Variants in ELMO1 observed in about 807,000 individuals in gnomAD.
The protein encoded by ELMO1 is engulfment and cell motility protein 1.
Under a neutral mutation model 98.9 loss-of-function variants are expected in ELMO1, and 26 were observed. The observed-to-expected ratio is 0.26, with a 90% CI of 0.19 to 0.36. The LOEUF (loss-of-function observed/expected upper bound fraction) is 0.36. Ranked by LOEUF, ELMO1 falls within the 10% of genes least tolerant of loss-of-function variation. The pLI is 1.00. For missense variants in ELMO1, 627 were observed against 935.2 expected, an observed-to-expected ratio of 0.67 and a Z score of 4.30; for synonymous variants, 346 against 346.0, an observed-to-expected ratio of 1.00 and a Z score of 0.00.
chr7:37,375,492 G>T, intron 1 of ELMO1: 1 of 748,330 alleles, frequency 1.3e-6, no homozygotes, highest in Non-Finnish European at 2.3e-6. Context: ...TATGATTCAA[G>T]CCCCGGCCCC....
At chr7:37,227,222 T>C (rs185057743) in intron 8 of ELMO1, among the ~76,000 whole-genome samples, 29 of 152,310 alleles carry the variant, frequency 1.9e-4, no homozygotes, top group Non-Finnish European at 4.4e-5. Context: ...GTCTAACTCA[T>C]TGCTGGGTTA....
At chr7:36,905,206 T>C (rs1317485702) in intron 16 of ELMO1, among the ~76,000 whole-genome samples, 1 of 152,220 alleles carries the variant, frequency 6.6e-6, no homozygotes, top group African/African-American at 2.4e-5. Flanking sequence ...ACTGTTGGTT[T>C]TTCTAATGCC....
intron 15 of ELMO1, among the ~76,000 whole-genome samples, chr7:37,039,740 A>G (rs958458366): frequency 3.3e-5 from 5 of 152,212 alleles, no homozygotes; most frequent in African/African-American, 1.2e-4. Flanking sequence ...ATCGACAATA[A>G]ATACTTAAAA....
chr7:37,096,327 T>C lies in ELMO1; in HGVS notation c.1300+292A>G, dbSNP rs148933098. On this transcript the variant is annotated intron_variant, in intron 15 of 21. Transcript: ENST00000310758. ...AAGAAATCCATAGATTTTTTTTTCCTGAACAGAAGCAAGCCTGTTTTAATA... is the reference window on the plus strand; with the variant it reads ...AAGAAATCCATAGATTTTTTTTTCCCGAACAGAAGCAAGCCTGTTTTAATA... Among the ~76,000 whole-genome samples the C allele has an allele frequency of 8.6e-3, 1,308 of 152,276 alleles. 7 individuals carry two copies. Among genetic ancestry groups the C allele is most frequent in the Non-Finnish European group, 0.013 (907 of 68,020 alleles).
At chr7:37,199,514 G>T (rs1430401463) in intron 13 of ELMO1, among the ~76,000 whole-genome samples, 2 of 152,288 alleles carry the variant, frequency 1.3e-5, no homozygotes, top group Admixed American at 1.3e-4. Context: ...TTTTCAGAAG[G>T]AGTCCACAGG....
chr7:37,333,580 T>C (rs550205937), intron 2 of ELMO1, among the ~76,000 whole-genome samples: 1 of 152,348 alleles, frequency 6.6e-6, no homozygotes, highest in South Asian at 2.1e-4. Context: ...TGCTGTGTTT[T>C]TCTTCAAAAA....
intron 15 of ELMO1, among the ~76,000 whole-genome samples, chr7:37,056,080 A>G (rs985605313): frequency 4.6e-5 from 7 of 152,244 alleles, no homozygotes; most frequent in South Asian, 2.1e-4. Context: ...ACAGTGGTCC[A>G]GCTTTCCTCA....
chr7:37,168,920 TTGTC>T (rs1247801153), intron 13 of ELMO1, among the ~76,000 whole-genome samples: 1 of 152,192 alleles, frequency 6.6e-6, no homozygotes, highest in East Asian at 1.9e-4. Flanking sequence ...GTCTTTTTGT[TTGTC>T]TGTGCCCTGT....
In ELMO1 at chr7:37,187,406, A is replaced by G. The variant is rs535863116; in HGVS notation, c.1086+23980T>C. Among the ~76,000 whole-genome samples the G allele has an allele frequency of 5.3e-5, 8 of 152,270 alleles. No individual in the cohort carries two copies. In the South Asian group the frequency reaches 1.7e-3, roughly 32 times the overall value. On this transcript the variant is annotated intron_variant, in intron 13 of 21. Transcript: ENST00000310758. ...CTTTACAACCCTGTAAACATACTAAAAGCACCCAAACTGTACATTTTAGAT... is the reference window on the plus strand; with the variant it reads ...CTTTACAACCCTGTAAACATACTAAGAGCACCCAAACTGTACATTTTAGAT...
intron 5 of ELMO1, among the ~76,000 whole-genome samples, chr7:37,262,516 A>G (rs1446136389): frequency 6.6e-6 from 1 of 152,182 alleles, no homozygotes; most frequent in Non-Finnish European, 1.5e-5. Flanking sequence ...GCGCCTGAGA[A>G]TGATGTGTTC....
At chr7:37,385,457 G>A (rs550060241) in intron 1 of ELMO1, among the ~76,000 whole-genome samples, 6 of 152,236 alleles carry the variant, frequency 3.9e-5, no homozygotes, top group South Asian at 4.2e-4. Context: ...TCTTCACTCC[G>A]GTTTCCATTC....
At chr7:37,268,575 C>T (rs888535999) in intron 5 of ELMO1, among the ~76,000 whole-genome samples, 1 of 152,184 alleles carries the variant, frequency 6.6e-6, no homozygotes, top group African/African-American at 2.4e-5. Flanking sequence ...GCTGGGTTTA[C>T]AGGTGTGAGC....
At chr7:36,961,310 C>T (rs1430401869) in intron 16 of ELMO1, among the ~76,000 whole-genome samples, 1 of 152,030 alleles carries the variant, frequency 6.6e-6, no homozygotes, top group African/African-American at 2.4e-5. Flanking sequence ...CACGGGGACA[C>T]AGTATGAATA....
intron 14 of ELMO1, among the ~76,000 whole-genome samples, chr7:37,118,481 C>T (rs1248333269): frequency 1.3e-5 from 2 of 152,120 alleles, no homozygotes; most frequent in African/African-American, 4.8e-5. Context: ...GAATAAACAC[C>T]CAACCAAAGA....
chr7:37,223,320 T>G (rs988486390), intron 9 of ELMO1, among the ~76,000 whole-genome samples: 6 of 152,174 alleles, frequency 3.9e-5, no homozygotes, highest in African/African-American at 1.4e-4. Flanking sequence ...AAGAGTGACT[T>G]ATGAGCTACA....
intron 1 of ELMO1, among the ~76,000 whole-genome samples, chr7:37,431,427 G>A (rs560037483): frequency 6.6e-6 from 1 of 152,322 alleles, no homozygotes; most frequent in East Asian, 1.9e-4. Context: ...TTCTAAAAGT[G>A]GGAATAGATG....
chr7:37,363,292 TGC>T (rs1184491494), intron 1 of ELMO1, among the ~76,000 whole-genome samples: 1 of 152,096 alleles, frequency 6.6e-6, no homozygotes, highest in Non-Finnish European at 1.5e-5. Flanking sequence ...CCTGGGCTCT[TGC>T]AAGAGCCCTT....
intron 13 of ELMO1, among the ~76,000 whole-genome samples, chr7:37,199,191 G>T (rs1031247869): frequency 6.6e-6 from 1 of 152,220 alleles, no homozygotes; most frequent in African/African-American, 2.4e-5. Context: ...AACCATTCCT[G>T]AGAAATTGTG....
intron 15 of ELMO1, among the ~76,000 whole-genome samples, chr7:37,082,642 G>T (rs1021422113): frequency 2.6e-5 from 4 of 152,070 alleles, no homozygotes; most frequent in Non-Finnish European, 4.4e-5. Flanking sequence ...GATATGGGAG[G>T]ATCACTTGAA....
Sources: gnomAD v4.1 joint callset for allele counts (sites outside exome capture counted in the v4.1 genomes callset) on GRCh38, gnomAD v4.1.1 for gene constraint, MANE v1.5 for transcripts, NCBI Gene and HGNC (gene_info 2026-07-23, HGNC 2026-07-21) for gene names.